Variants in VOPP1 observed in about 807,000 individuals in gnomAD.
VOPP1 encodes the protein VOPP1 WW domain binding protein.
In VOPP1, 8 loss-of-function variants were observed where a neutral mutation model predicts 23.5. The observed-to-expected ratio is 0.34, with a 90% confidence interval of 0.20 to 0.61. The LOEUF (loss-of-function observed/expected upper bound fraction) is 0.61. Among genes scored for constraint, VOPP1 ranks in the 20% least tolerant of loss-of-function variants. The probability of loss-of-function intolerance (pLI) is 0.78; values close to 1 mark genes in which losing one functional copy is unlikely to be tolerated. For synonymous variants in VOPP1, 83 were observed against 97.3 expected, an observed-to-expected ratio of 0.85 and a Z score of 0.86; for missense variants, 174 against 238.1, an observed-to-expected ratio of 0.73 and a Z score of 1.77.
chr7:55,457,619 AT>A (rs56695972), intron 4 of VOPP1, among the ~76,000 whole-genome samples: 1,834 of 149,154 alleles, frequency 0.012, 13 homozygotes, highest in Admixed American at 0.021. Context: ...TGTTGCCAGC[AT>A]TTTTTTTTTG....
intron 4 of VOPP1, among the ~76,000 whole-genome samples, chr7:55,455,600 C>T (rs1429967012): frequency 6.6e-6 from 1 of 152,176 alleles, no homozygotes; most frequent in Non-Finnish European, 1.5e-5. Context: ...GGTACCAAAA[C>T]AGATATATAG....
chr7:55,487,018 C>T (rs1793194114), intron 4 of VOPP1, among the ~76,000 whole-genome samples: 1 of 152,186 alleles, frequency 6.6e-6, no homozygotes, highest in Admixed American at 6.5e-5. Context: ...CATCACCATC[C>T]CCGCACGTCA....
intron 1 of VOPP1, among the ~76,000 whole-genome samples, chr7:55,541,063 C>T (rs780986074): frequency 6.6e-6 from 1 of 152,070 alleles, no homozygotes; most frequent in Non-Finnish European, 1.5e-5. Flanking sequence ...TGATAAGGAA[C>T]GTATTTAAAG....
At chr7:55,443,995 T>C (rs1315252248) in intron 4 of VOPP1, among the ~76,000 whole-genome samples, 3 of 152,138 alleles carry the variant, frequency 2.0e-5, no homozygotes, top group Non-Finnish European at 4.4e-5. Context: ...TATTTATAGA[T>C]GAAATGTTCA....
intron 4 of VOPP1, among the ~76,000 whole-genome samples, chr7:55,487,808 C>G (rs1395952055): frequency 6.6e-6 from 1 of 152,216 alleles, no homozygotes; most frequent in Non-Finnish European, 1.5e-5. Context: ...TTAACCACCC[C>G]CTTGCCACAT....
chr7:55,561,736 G>A (rs1219718938), intron 1 of VOPP1: 2 of 468,198 alleles, frequency 4.3e-6, no homozygotes, highest in East Asian at 6.9e-5. Context: ...TTCACAGACT[G>A]CTCCCCTCTT....
At chr7:55,562,248 A>C (rs1468318687) in intron 1 of VOPP1, among the ~76,000 whole-genome samples, 1 of 152,180 alleles carries the variant, frequency 6.6e-6, no homozygotes, top group Non-Finnish European at 1.5e-5. Context: ...GCTTTCCTAA[A>C]GCTGACTGCC....
In VOPP1 at chr7:55,534,748, CAGA is replaced by C. The variant is rs1349482919; in HGVS notation, c.55-13621_55-13619del. Among the ~76,000 whole-genome samples, 5 of 152,324 alleles carry C rather than the reference CAGA, an allele frequency of 3.3e-5. No homozygotes were observed. In the East Asian group the frequency reaches 7.7e-4, roughly 23 times the overall value. ...CCACCTGGGATCTCTGCCAGGTGCC[CAGA>C]AGAACCTCACACCAGACATCCCTAC... On this transcript the variant is annotated intron_variant, in intron 1 of 4. Coordinates refer to ENST00000285279, the MANE Select transcript of VOPP1 (RefSeq NM_030796.5).
chr7:55,562,737 C>G (rs557743700), intron 1 of VOPP1, among the ~76,000 whole-genome samples: 1 of 152,156 alleles, frequency 6.6e-6, no homozygotes, highest in Non-Finnish European at 1.5e-5. Flanking sequence ...AGGACTCTTG[C>G]TGAAACTGAG....
At chr7:55,446,159 A>AT (rs1269876436) in intron 4 of VOPP1, among the ~76,000 whole-genome samples, 2 of 151,872 alleles carry the variant, frequency 1.3e-5, no homozygotes, top group Admixed American at 6.6e-5. Flanking sequence ...CGCCCAGATA[A>AT]TTTTTTTGTA....
chr7:55,525,437 C>T lies in VOPP1; in HGVS notation c.55-4307G>A, dbSNP rs144839889. Among the ~76,000 whole-genome samples the T allele has an allele frequency of 2.7e-5, 4 of 150,596 alleles. No individual in the cohort carries two copies. The East Asian group carries it at 5.9e-4, about 22-fold the overall frequency. ...TCGGGAGGCGGAGCTTGCAGTGAGCCGAGATTGCGCCACTGAACTCCAGCC... is the reference window on the plus strand; with the variant it reads ...TCGGGAGGCGGAGCTTGCAGTGAGCTGAGATTGCGCCACTGAACTCCAGCC... On this transcript the variant is annotated intron_variant, in intron 1 of 4. Transcript: ENST00000285279.
intron 4 of VOPP1, among the ~76,000 whole-genome samples, chr7:55,452,396 T>C (rs1352656830): frequency 6.6e-6 from 1 of 152,196 alleles, no homozygotes; most frequent in Non-Finnish European, 1.5e-5. Flanking sequence ...AAGGTTGGAA[T>C]CAACTTCTCC....
At chr7:55,485,480 C>T (rs1793066059) in intron 4 of VOPP1, among the ~76,000 whole-genome samples, 1 of 152,240 alleles carries the variant, frequency 6.6e-6, no homozygotes, top group African/African-American at 2.4e-5. Context: ...TTTCCACAGG[C>T]AATCTGAATG....
At chr7:55,572,018 C>G (rs967190074) in intron 1 of VOPP1, 22 of 418,652 alleles carry the variant, frequency 5.3e-5, no homozygotes, top group Non-Finnish European at 2.6e-5. Context: ...GCGGGAAACG[C>G]GCTCACCCGC....
chr7:55,459,168 C>CATCT (rs199586153), intron 4 of VOPP1, among the ~76,000 whole-genome samples: 1,830 of 151,256 alleles, frequency 0.012, 13 homozygotes, highest in Admixed American at 0.021. Context: ...CCACTGATGT[C>CATCT]ATCACATTTA....
chr7:55,512,252 C>A (rs1243384960), intron 2 of VOPP1, among the ~76,000 whole-genome samples: 1 of 151,936 alleles, frequency 6.6e-6, no homozygotes, highest in African/African-American at 2.4e-5. Flanking sequence ...ATGGTGAAGC[C>A]CCATCTCTAC....
intron 1 of VOPP1, among the ~76,000 whole-genome samples, chr7:55,533,089 AG>A (rs1393043909): frequency 3.9e-5 from 6 of 152,202 alleles, no homozygotes; most frequent in Admixed American, 3.3e-4. Flanking sequence ...AGGAGGACTG[AG>A]AACATATGTG....
At chr7:55,449,439 C>A (rs895742523) in intron 4 of VOPP1, among the ~76,000 whole-genome samples, 4 of 152,208 alleles carry the variant, frequency 2.6e-5, no homozygotes, top group Non-Finnish European at 5.9e-5. Flanking sequence ...CGGGGCCTGC[C>A]GGTGCCCGGT....
chr7:55,495,435 A>G (rs1346202586), intron 3 of VOPP1, among the ~76,000 whole-genome samples: 1 of 152,160 alleles, frequency 6.6e-6, no homozygotes, highest in Non-Finnish European at 1.5e-5. Flanking sequence ...ACTCCTGTCC[A>G]CCAAATGCTC....
Sources: gnomAD v4.1 joint callset for allele counts (sites outside exome capture counted in the v4.1 genomes callset) on GRCh38, gnomAD v4.1.1 for gene constraint, MANE v1.5 for transcripts, NCBI Gene and HGNC (gene_info 2026-07-23, HGNC 2026-07-21) for gene names.